GABPB2: variants seen among roughly 807,000 people sequenced by gnomAD.
GABPB2 encodes GA-binding protein subunit beta-2.
GABPB2 carries 23 observed loss-of-function variants against 39.1 expected under a neutral mutation model. The ratio of observed to expected loss-of-function variants is 0.59; its 90% confidence interval spans 0.42 to 0.83. The LOEUF is 0.83. GABPB2 is among the 40% of genes least tolerant of loss of function. GABPB2 has a pLI of 0.00. For missense variants in GABPB2, 467 were observed against 541.1 expected, an observed-to-expected ratio of 0.86 and a Z score of 1.36; for synonymous variants, 184 against 199.3, an observed-to-expected ratio of 0.92 and a Z score of 0.65.
chr1:151,076,901 C>T (rs1677215215), intron 1 of GABPB2, among the ~76,000 whole-genome samples: 1 of 150,704 alleles, frequency 6.6e-6, no homozygotes, highest in South Asian at 2.1e-4. Context: ...TCATGCCATT[C>T]TCCTGCCTCA....
chr1:151,103,207 G>A (rs1230970641), intron 5 of GABPB2, among the ~76,000 whole-genome samples: 2 of 151,370 alleles, frequency 1.3e-5, no homozygotes, highest in African/African-American at 2.4e-5. Flanking sequence ...CCACCACCAC[G>A]CCCAGCTAAT....
At position 151,122,387 on chromosome 1, in the gene GABPB2, A is replaced by G. The variant is rs1050775620; in HGVS notation, c.*4131A>G. ...GTCAAATAATCTTTTCCTGTTTGCA[A>G]TGTTTTTATTTTTTCTGAGTCCCTT... On this transcript the variant is annotated 3_prime_UTR_variant, in exon 9 of 9. Transcript: ENST00000368918. 3.9e-5 allele frequency: 6 copies of G among 152,108 alleles called. No individual in the cohort carries two copies. The highest frequency in any genetic ancestry group is 1.4e-4 in the African/African-American group (6 of 41,424). The allele number at this position is 152,108 out of a possible 1,614,324, so 9.4% of individuals were successfully genotyped here. A position where few individuals can be genotyped will look rare whatever the true frequency, so the allele number is the denominator to read the frequency against.
intron 1 of GABPB2, among the ~76,000 whole-genome samples, chr1:151,085,065 T>G (rs1233994116): frequency 6.6e-6 from 1 of 151,324 alleles, no homozygotes; most frequent in Non-Finnish European, 1.5e-5. Context: ...GCACTGCACT[T>G]CAGCCTGGGT....
chr1:151,100,143 CTTTT>C (rs587754459), intron 5 of GABPB2, among the ~76,000 whole-genome samples: 4 of 138,836 alleles, frequency 2.9e-5, no homozygotes, highest in Admixed American at 7.2e-5. Context: ...ATTAAAACAA[CTTTT>C]TTTTTTTTTT....
At chr1:151,103,738 A>C in intron 6 of GABPB2, 63 bp downstream of exon 6, 1 of 1,061,314 alleles carries the variant, frequency 9.4e-7, no homozygotes, top group Non-Finnish European at 1.4e-6. Context: ...AGTCTCCAGC[A>C]GATTTAATTT....
At chr1:151,114,705 G>A (rs587649443) in intron 7 of GABPB2, among the ~76,000 whole-genome samples, 1 of 151,216 alleles carries the variant, frequency 6.6e-6, no homozygotes, top group Non-Finnish European at 1.5e-5. Flanking sequence ...CAAAAGAAAA[G>A]AAAAGAAAAC....
At chr1:151,092,715 G>A (rs76947807) in intron 3 of GABPB2, among the ~76,000 whole-genome samples, 3,703 of 151,758 alleles carry the variant, frequency 0.024, 102 homozygotes, top group African/African-American at 0.073. Context: ...CTGGGACAAC[G>A]GGCATGTACT....
intron 5 of GABPB2, among the ~76,000 whole-genome samples, chr1:151,101,642 C>G (rs1041629802): frequency 3.3e-5 from 5 of 152,042 alleles, no homozygotes; most frequent in African/African-American, 1.2e-4. Context: ...GCAGCTACTT[C>G]TACTTCTATA....
At chr1:151,104,634 A>G (rs935279918) in intron 6 of GABPB2, among the ~76,000 whole-genome samples, 1 of 152,060 alleles carries the variant, frequency 6.6e-6, no homozygotes, top group African/African-American at 2.4e-5. Context: ...AGGACCTTTC[A>G]GCTTTAATAT....
chr1:151,094,341 T>G (rs1678942402), intron 4 of GABPB2, among the ~76,000 whole-genome samples: 1 of 151,110 alleles, frequency 6.6e-6, no homozygotes, highest in Non-Finnish European at 1.5e-5. Context: ...TGTCAGCCAC[T>G]GTGCCGGCTG....
At chr1:151,071,793 T>C (rs1314857841) in intron 1 of GABPB2, among the ~76,000 whole-genome samples, 1 of 152,204 alleles carries the variant, frequency 6.6e-6, no homozygotes, top group Admixed American at 6.5e-5. Flanking sequence ...TCTTTCACAG[T>C]TGTTTGTACA....
chr1:151,103,603 A>T lies in GABPB2; in HGVS notation c.664A>T (p.Thr222Ser). 6.2e-7 allele frequency: 1 copy of T among 1,613,968 alleles called. No homozygotes were observed. Among genetic ancestry groups the T allele is most frequent in the Non-Finnish European group, 8.5e-7 (1 of 1,179,972 alleles). Residue 222 changes from threonine (T) to serine (S), a missense_variant, in exon 6 of 9, where the codon ACC becomes TCC. Coordinates refer to ENST00000368918, the MANE Select transcript of GABPB2 (RefSeq NM_144618.3). Reference protein sequence around the residue: ...ASTVQFSNSTTSVLATLAALA... With the variant: ...ASTVQFSNSTSSVLATLAALA... ...AACAGTACAGTTTTCAAATTCTACC[A>T]CCTCAGTGCTGGCTACCCTTGCAGC... is the stretch of plus-strand genomic sequence containing the variant.
intron 1 of GABPB2, among the ~76,000 whole-genome samples, chr1:151,082,369 G>A (rs1441002936): frequency 2.8e-5 from 4 of 144,924 alleles, no homozygotes; most frequent in African/African-American, 5.1e-5. Context: ...GAGCCACTGC[G>A]TCTGGCCAAC....
intron 5 of GABPB2, among the ~76,000 whole-genome samples, chr1:151,102,947 G>A (rs190932800): frequency 6.6e-6 from 1 of 152,122 alleles, no homozygotes; most frequent in Admixed American, 6.6e-5. Context: ...TTAGGGAGTG[G>A]GTAGCACTCT....
chr1:151,091,465 C>CAAA (rs34351787), intron 3 of GABPB2, among the ~76,000 whole-genome samples: 2 of 73,444 alleles, frequency 2.7e-5, no homozygotes, highest in Non-Finnish European at 4.8e-5. Context: ...TCCTGTGTCT[C>CAAA]AAAAAAAAAA....
chr1:151,120,864 C>G lies in GABPB2; in HGVS notation c.*2608C>G, dbSNP rs763049056. ...TTCCACCTCCCGGTTTCAAGCTATT[C>G]TCCTGCCTCAGCCTCCCGAGTAGCT... On this transcript the variant is annotated 3_prime_UTR_variant, in exon 9 of 9. Transcript: ENST00000368918. 6.8e-6 allele frequency: 1 copy of G among 147,444 alleles called. No homozygotes were observed. Among genetic ancestry groups the G allele is most frequent in the Admixed American group, 7.1e-5 (1 of 14,062 alleles). 9.1% of individuals were successfully genotyped at this position (147,444 alleles called of 1,614,324 possible).
At chr1:151,106,957 C>T in intron 6 of GABPB2, 80 bp from the exon 7 acceptor site, 2 of 862,944 alleles carry the variant, frequency 2.3e-6, no homozygotes, top group South Asian at 2.4e-5. Flanking sequence ...TGAATGTTGT[C>T]AGGTTCAAGG....
chr1:151,099,451 C>T (rs1679354143), intron 5 of GABPB2, among the ~76,000 whole-genome samples: 1 of 152,192 alleles, frequency 6.6e-6, no homozygotes, highest in Non-Finnish European at 1.5e-5. Context: ...CCGCCTCGGC[C>T]TCCCAAAGTG....
At chr1:151,116,114 G>A (rs1393084954) in intron 7 of GABPB2, among the ~76,000 whole-genome samples, 3 of 148,580 alleles carry the variant, frequency 2.0e-5, no homozygotes, top group African/African-American at 2.5e-5. Flanking sequence ...AAAAAAGGCC[G>A]GGTGTGGTAG....
Sources: gnomAD v4.1 joint callset for allele counts (sites outside exome capture counted in the v4.1 genomes callset) on GRCh38, gnomAD v4.1.1 for gene constraint, MANE v1.5 for transcripts, NCBI Gene and HGNC (gene_info 2026-07-23, HGNC 2026-07-21) for gene names.